The following ZFAT variants were observed in gnomAD, a reference collection of about 807,000 sequenced individuals.
ZFAT encodes the protein zinc finger and AT-hook domain containing.
A neutral mutation model predicts 117.7 loss-of-function variants in ZFAT; 64 were observed. The ratio of observed to expected loss-of-function variants is 0.54; its 90% CI spans 0.44 to 0.67. The LOEUF (loss-of-function observed/expected upper bound fraction) is 0.67, where lower values mean the gene tolerates loss of function less well. Among genes scored for constraint, ZFAT ranks in the 30% least tolerant of loss-of-function variants. The probability of loss-of-function intolerance (pLI) is 0.00; values close to 1 mark genes in which losing one functional copy is unlikely to be tolerated. For synonymous variants in ZFAT, 679 were observed against 615.0 expected (o/e 1.10, Z -1.54); for missense variants, 1,433 against 1,584.5 (o/e 0.90, Z 1.62).
intron 15 of ZFAT, among the ~76,000 whole-genome samples, chr8:134,508,058 C>G (rs1284166045): frequency 6.6e-6 from 1 of 152,200 alleles, no homozygotes; most frequent in Non-Finnish European, 1.5e-5. Context: ...TTGCTACAGA[C>G]TGAAGCATCC....
chr8:134,548,223 C>T (rs934594129), intron 11 of ZFAT, among the ~76,000 whole-genome samples: 1 of 152,182 alleles, frequency 6.6e-6, no homozygotes. Context: ...AAACAAAGAG[C>T]CTCAAGAATT....
chr8:134,758,608 T>C, the ZFAT span, among the ~76,000 whole-genome samples: 118 of 152,334 alleles, frequency 7.7e-4, no homozygotes, highest in African/African-American at 2.7e-3. Context: ...CATATAACCA[T>C]GTTCAAGACA....
At chr8:134,714,289 TC>T (rs1216839009), upstream of ZFAT, among the ~76,000 whole-genome samples, 2 of 152,100 alleles carry the variant, frequency 1.3e-5, no homozygotes, top group Non-Finnish European at 1.5e-5. Flanking sequence ...AGTTCACACT[TC>T]ATGTTCCCAC....
At chr8:134,550,622 A>G (rs1257889452) in intron 11 of ZFAT, among the ~76,000 whole-genome samples, 3 of 152,246 alleles carry the variant, frequency 2.0e-5, no homozygotes, top group Non-Finnish European at 4.4e-5. Flanking sequence ...TCAAAAATGC[A>G]GTATTTCCAG....
chr8:134,539,754 C>T (rs762760005), intron 11 of ZFAT, among the ~76,000 whole-genome samples: 9 of 152,140 alleles, frequency 5.9e-5, no homozygotes, highest in Non-Finnish European at 1.0e-4. Context: ...TTTTAGAATG[C>T]GGACAACTTT....
rs747188059 is a variant in ZFAT, at chr8:134,605,553, C to CAA, written c.786-2622_786-2621dup. Among the ~76,000 whole-genome samples, 116 of 89,606 alleles carry CAA rather than the reference C, an allele frequency of 1.3e-3. 2 individuals are homozygous for CAA. Among genetic ancestry groups the CAA allele is most frequent in the African/African-American group, 3.9e-3 (103 of 26,606 alleles). 58.8% of individuals were successfully genotyped at this position (89,606 alleles called of 152,430 possible). The stretch of plus-strand genomic sequence containing the variant: ...AGAGCCACAGAGCCAGACCCCATCT[C>CAA]AAAAAAAAAAAAAAAAGAAAGAAAT... On this transcript the variant is annotated intron_variant, in intron 5 of 15. Transcript: ENST00000377838.
chr8:134,782,758 G>A, the ZFAT span, among the ~76,000 whole-genome samples: 8,020 of 152,044 alleles, frequency 0.053, 671 homozygotes, highest in African/African-American at 0.18. Context: ...CCCCAGCCAC[G>A]TGGAACTATG....
intron 11 of ZFAT, among the ~76,000 whole-genome samples, chr8:134,552,710 A>G (rs541476176): frequency 1.9e-4 from 29 of 152,330 alleles, no homozygotes; most frequent in Middle Eastern, 6.8e-3. Context: ...GGGACAGAGG[A>G]GTGATCTGAG....
intron 15 of ZFAT, among the ~76,000 whole-genome samples, chr8:134,500,089 C>T (rs1366268828): frequency 6.6e-6 from 1 of 152,226 alleles, no homozygotes. Context: ...CTGCCTCACT[C>T]CCGTCAGGGC....
the ZFAT span, among the ~76,000 whole-genome samples, chr8:134,744,880 C>T: frequency 4.6e-5 from 7 of 151,896 alleles, no homozygotes; most frequent in Non-Finnish European, 1.0e-4. Flanking sequence ...CAGGCGCCCG[C>T]CACCAGGCCC....
chr8:134,702,401 T>C (rs1834034351), intron 1 of ZFAT, among the ~76,000 whole-genome samples: 1 of 152,244 alleles, frequency 6.6e-6, no homozygotes, highest in African/African-American at 2.4e-5. Context: ...AATTTCATCT[T>C]AAATTGTAGC....
At chr8:134,661,101 G>A (rs375670887) in intron 1 of ZFAT, among the ~76,000 whole-genome samples, 7 of 152,242 alleles carry the variant, frequency 4.6e-5, no homozygotes, top group South Asian at 2.1e-4. Context: ...GGTGGATACC[G>A]ATCTGGACAG....
At chr8:134,569,772 G>GT (rs1824747972) in intron 10 of ZFAT, among the ~76,000 whole-genome samples, 1 of 152,082 alleles carries the variant, frequency 6.6e-6, no homozygotes, top group South Asian at 2.1e-4. Context: ...GTGCCCTCCA[G>GT]ACCTGTACCT....
intron 11 of ZFAT, among the ~76,000 whole-genome samples, chr8:134,548,067 G>A (rs1347170929): frequency 6.6e-6 from 1 of 152,190 alleles, no homozygotes; most frequent in Non-Finnish European, 1.5e-5. Flanking sequence ...AGCCCTTGAA[G>A]GAGCTCAGAG....
intron 3 of ZFAT, among the ~76,000 whole-genome samples, chr8:134,624,906 T>G (rs111812594): frequency 2.0e-5 from 3 of 150,806 alleles, no homozygotes; most frequent in South Asian, 2.1e-4. Context: ...AAGTACCTAT[T>G]CTAAATTGCC....
At chr8:134,756,215 C>T in the ZFAT span, among the ~76,000 whole-genome samples, 2 of 152,210 alleles carry the variant, frequency 1.3e-5, no homozygotes, top group African/African-American at 2.4e-5. Flanking sequence ...CCCCCCTGCA[C>T]ATTTCTTTGA....
At chr8:134,817,473 A>C in the ZFAT span, among the ~76,000 whole-genome samples, 1 of 151,778 alleles carries the variant, frequency 6.6e-6, no homozygotes, top group Non-Finnish European at 1.5e-5. Context: ...GCAGAACCCA[A>C]CTTACAGAGG....
chr8:134,550,795 T>C (rs1287726971), intron 11 of ZFAT, among the ~76,000 whole-genome samples: 1 of 152,168 alleles, frequency 6.6e-6, no homozygotes, highest in African/African-American at 2.4e-5. Flanking sequence ...ATTTAACAAA[T>C]GGCCCCTGTT....
intron 1 of ZFAT, 30 bp from the exon 2 acceptor site, chr8:134,657,767 T>C (rs1831701066): frequency 6.2e-7 from 1 of 1,603,424 alleles, no homozygotes. Flanking sequence ...AAATATGTTA[T>C]TTCATCTCCA....
Sources: allele counts gnomAD v4.1 joint callset (sites outside exome capture counted in the v4.1 genomes callset), GRCh38; gene constraint gnomAD v4.1.1; transcripts MANE v1.5; gene names NCBI Gene and HGNC (gene_info 2026-07-23, HGNC 2026-07-21).